PDCD11: variants seen among roughly 807,000 people sequenced by gnomAD.
PDCD11 encodes the protein programmed cell death 11.
A neutral mutation model predicts 198.9 loss-of-function variants in PDCD11; 97 were observed. The ratio of observed to expected loss-of-function variants is 0.49; its 90% CI spans 0.41 to 0.58. The LOEUF is 0.58. Ranked by LOEUF, PDCD11 falls within the 20% of genes least tolerant of loss-of-function variation. The probability of loss-of-function intolerance (pLI) is 0.00; values close to 1 mark genes in which losing one functional copy is unlikely to be tolerated. For missense variants in PDCD11, 2,102 were observed against 2,312.7 expected, an observed-to-expected ratio of 0.91 and a Z score of 1.87; for synonymous variants, 893 against 918.0, an observed-to-expected ratio of 0.97 and a Z score of 0.49.
intron 14 of PDCD11, among the ~76,000 whole-genome samples, chr10:103,418,140 C>G (rs990973299): frequency 6.6e-6 from 1 of 152,190 alleles, no homozygotes; most frequent in Admixed American, 6.5e-5. Context: ...TGAGGCTTTT[C>G]AGCAGTGGGC....
In PDCD11 at chr10:103,445,593, C is replaced by CCACTA; in HGVS notation, c.*44_*45insCACTA. On this transcript the variant is annotated 3_prime_UTR_variant, in exon 36 of 36. Coordinates refer to ENST00000369797, the MANE Select transcript of PDCD11 (RefSeq NM_014976.2). The stretch of plus-strand genomic sequence containing the variant: ...GGACACTGTCAACAATGGGCCAGCC[C>CCACTA]GGCCCCGCCTCGAGTGCCTGGGCAC... 6.4e-7 allele frequency: 1 copy of CCACTA among 1,565,300 alleles called. No individual in the cohort carries two copies. The highest frequency in any genetic ancestry group is 8.7e-7 in the Non-Finnish European group (1 of 1,145,142).
intron 22 of PDCD11, among the ~76,000 whole-genome samples, chr10:103,433,746 G>T (rs2032031990): frequency 6.6e-6 from 1 of 152,176 alleles, no homozygotes; most frequent in Non-Finnish European, 1.5e-5. Flanking sequence ...ATTCTGCTAG[G>T]CTAGCAAAGG....
chr10:103,438,871 G>A, intron 27 of PDCD11, 63 bp downstream of exon 27: 2 of 1,568,346 alleles, frequency 1.3e-6, no homozygotes, highest in Non-Finnish European at 1.7e-6. Flanking sequence ...TTGCTCTGGG[G>A]TCCACTGTGT....
chr10:103,421,621 A>C lies in PDCD11; in HGVS notation c.2497+54A>C, dbSNP rs2031434741. On this transcript the variant is annotated intron_variant, in intron 17 of 35. Transcript: ENST00000369797. ...GGCCAGGGGTGGGAGTATGTGTTGT[A>C]AATTACACCTGTTGTTAGGTGAGTT... is the stretch of plus-strand genomic sequence containing the variant. The C allele has an allele frequency of 4.4e-6, 6 of 1,366,684 alleles. 1 individual carries two copies. The South Asian group carries it at 5.0e-5, about 11-fold the overall frequency. The allele number at this position is 1,366,684 out of a possible 1,614,324, so 84.7% of individuals were successfully genotyped here.
chr10:103,401,372 A>T (rs757629007), intron 3 of PDCD11, among the ~76,000 whole-genome samples: 1 of 151,088 alleles, frequency 6.6e-6, no homozygotes. Context: ...TCCCGGGTTC[A>T]AGCGATTCTC....
chr10:103,432,988 A>G (rs2031998355), intron 22 of PDCD11, among the ~76,000 whole-genome samples: 1 of 152,220 alleles, frequency 6.6e-6, no homozygotes, highest in Admixed American at 6.5e-5. Context: ...ATCAAGGTTC[A>G]GCACAGATAA....
At chr10:103,435,171 C>T (rs1373144872) in intron 25 of PDCD11, among the ~76,000 whole-genome samples, 196 bp downstream of exon 25, 1 of 151,860 alleles carries the variant, frequency 6.6e-6, no homozygotes, top group East Asian at 1.9e-4. Flanking sequence ...GACTTTAATG[C>T]ATATATATAT....
At position 103,434,001 on chromosome 10, in the gene PDCD11, G is replaced by C; in HGVS notation, c.3528G>C (p.Gly1176=). Residue 1176 remains glycine (G), a synonymous_variant, in exon 23 of 36, where the codon GGG becomes GGC. Coordinates refer to ENST00000369797, the MANE Select transcript of PDCD11 (RefSeq NM_014976.2). ...LEVEIAPDIR[G]RIPLLLTSLS... ...TGGAGATTGCCCCAGACATCCGGGGGAGAATTCCCTTATTGCTCACTTCTC... is the reference window on the plus strand; with the variant it reads ...TGGAGATTGCCCCAGACATCCGGGGCAGAATTCCCTTATTGCTCACTTCTC... 6.2e-7 allele frequency: 1 copy of C among 1,614,084 alleles called. No individual in the cohort carries two copies. The highest frequency in any genetic ancestry group is 8.5e-7 in the Non-Finnish European group (1 of 1,179,910).
At position 103,409,682 on chromosome 10, in the gene PDCD11, G is replaced by A; in HGVS notation, c.871-17G>A. 1 of 1,588,740 alleles carries A rather than the reference G, an allele frequency of 6.3e-7. No individual in the cohort carries two copies. Among genetic ancestry groups the A allele is most frequent in the Non-Finnish European group, 8.6e-7 (1 of 1,157,536 alleles). ...TTCAAAGAACTTTTTTTTATAACTT[G>A]TTCTGTTTATTTCTAGGTGACTCCA... On this transcript the variant is annotated splice_polypyrimidine_tract_variant and intron_variant, in intron 7 of 35. Coordinates refer to ENST00000369797, the MANE Select transcript of PDCD11 (RefSeq NM_014976.2).
intron 26 of PDCD11, 73 bp downstream of exon 26, chr10:103,438,144 GAC>G: frequency 7.7e-7 from 1 of 1,306,674 alleles, no homozygotes. Flanking sequence ...ACGTGTATCT[GAC>G]ACAGAATTTT....
intron 8 of PDCD11, among the ~76,000 whole-genome samples, chr10:103,412,320 C>A (rs1211633222): frequency 6.7e-6 from 1 of 149,534 alleles, no homozygotes; most frequent in Non-Finnish European, 1.5e-5. Context: ...ACCACCATGC[C>A]CGGCTAATTT....
At chr10:103,398,559 C>T in intron 2 of PDCD11, 31 bp downstream of exon 2, 1 of 1,393,404 alleles carries the variant, frequency 7.2e-7, no homozygotes, top group Non-Finnish European at 1.0e-6. Flanking sequence ...GTGACACTCA[C>T]TGGAAACTTT....
intron 7 of PDCD11, among the ~76,000 whole-genome samples, chr10:103,409,399 G>C (rs1343676157): frequency 6.6e-6 from 1 of 151,666 alleles, no homozygotes; most frequent in Admixed American, 6.6e-5. Context: ...CAGGCTGGCA[G>C]TTCCCCAAGG....
chr10:103,432,104 G>T (rs766666160), intron 21 of PDCD11, 25 bp from the exon 22 acceptor site: 1 of 1,565,032 alleles, frequency 6.4e-7, no homozygotes, highest in South Asian at 1.1e-5. Flanking sequence ...TGGGTTTACT[G>T]TTTACATTTC....
At chr10:103,440,966 C>G in intron 30 of PDCD11, 116 bp downstream of exon 30, 2 of 704,352 alleles carry the variant, frequency 2.8e-6, no homozygotes, top group Non-Finnish European at 2.4e-6. Flanking sequence ...CAGGGGCTGT[C>G]AGTTGCCTCC....
chr10:103,419,505 T>C, intron 15 of PDCD11, 33 bp from the exon 16 acceptor site: 4 of 1,598,562 alleles, frequency 2.5e-6, no homozygotes, highest in Non-Finnish European at 3.4e-6. Context: ...TCATCTGCCC[T>C]TTCTGGAACA....
intron 3 of PDCD11, among the ~76,000 whole-genome samples, chr10:103,402,583 C>T (rs898734907): frequency 1.3e-5 from 2 of 151,792 alleles, no homozygotes; most frequent in Non-Finnish European, 2.9e-5. Flanking sequence ...GAATTACAGG[C>T]ACCTGCCACC....
At chr10:103,442,755 A>G (rs1314888982) in intron 32 of PDCD11, among the ~76,000 whole-genome samples, 1 of 152,228 alleles carries the variant, frequency 6.6e-6, no homozygotes, top group Non-Finnish European at 1.5e-5. Context: ...AGAACTCACT[A>G]CATACCTGGG....
rs573034248 is a variant in PDCD11 at position 103,425,377 on chromosome 10, G to A, written c.3157G>A (p.Val1053Met). Residue 1053 changes from valine to methionine, a missense_variant, in exon 20 of 36, where the codon GTG becomes ATG. By Grantham distance (21) the Val-to-Met change is conservative. Transcript: ENST00000369797. ...VKSIKPTHVV[V>M]TLEDGIIGCI... ...GTCCATTAAGCCTACCCATGTGGTT[G>A]TGACTCTGGAAGATGGCATTATTGG... 6.2e-7 allele frequency: 1 copy of A among 1,614,144 alleles called. No homozygotes were observed. Among genetic ancestry groups the A allele is most frequent in the Admixed American group, 1.7e-5 (1 of 60,018 alleles).
Sources: allele counts gnomAD v4.1 joint callset (sites outside exome capture counted in the v4.1 genomes callset), GRCh38; gene constraint gnomAD v4.1.1; transcripts MANE v1.5; gene names NCBI Gene and HGNC (gene_info 2026-07-23, HGNC 2026-07-21).